ABCA6: variants seen among roughly 807,000 people sequenced by gnomAD.
The protein encoded by ABCA6 is ATP-binding cassette sub-family A member 6.
A neutral mutation model predicts 191.2 loss-of-function variants in ABCA6; 164 were observed. The ratio of observed to expected loss-of-function variants is 0.86; its 90% CI spans 0.76 to 0.98. The LOEUF is 0.98. Ranked by LOEUF, ABCA6 falls within the 50% of genes least tolerant of loss-of-function variation. The pLI is 0.00. For synonymous variants in ABCA6, 636 were observed against 647.7 expected, an observed-to-expected ratio of 0.98 and a Z score of 0.27; for missense variants, 1,958 against 1,894.1, an observed-to-expected ratio of 1.03 and a Z score of -0.63.
chr17:69,096,931 T>A (rs546669304), intron 23 of ABCA6, 130 bp from the exon 24 acceptor site: 207 of 731,820 alleles, frequency 2.8e-4, no homozygotes, highest in Admixed American at 1.9e-3. Flanking sequence ...TTAAAAAAAA[T>A]TATGCATATA....
At chr17:69,132,945 A>T (rs1185204334) in intron 6 of ABCA6, among the ~76,000 whole-genome samples, 2 of 152,204 alleles carry the variant, frequency 1.3e-5, no homozygotes, top group African/African-American at 4.8e-5. Context: ...TAATGTATGT[A>T]AATATGTATA....
At position 69,137,495 on chromosome 17, in the gene ABCA6, C is replaced by G. The variant is rs752790559; in HGVS notation, c.102G>C (p.Trp34Cys). ...ACAGTCCTAGAAGTATTGAGAGGCC[C>G]CATTCCTGTAATGCATATAAAAAGA... ...WRMKRESLLE[W>C]GLSILLGLCI... The change falls in exon 3 of 39, where the codon TGG becomes TGC. Residue 34 changes from tryptophan to cysteine, a missense_variant. By Grantham distance (215) the Trp-to-Cys change is radical. Transcript: ENST00000284425. 10 of 1,611,404 alleles carry G rather than the reference C, an allele frequency of 6.2e-6. No individual in the cohort carries two copies. Among genetic ancestry groups the G allele is most frequent in the Non-Finnish European group, 8.5e-6 (10 of 1,178,966 alleles).
At chr17:69,099,187 G>A (rs1436414034) in intron 22 of ABCA6, among the ~76,000 whole-genome samples, 2 of 152,174 alleles carry the variant, frequency 1.3e-5, no homozygotes, top group Non-Finnish European at 2.9e-5. Flanking sequence ...GCTAGGCCAA[G>A]TGGACACTCT....
chr17:69,109,528 T>A (rs1005714238), intron 17 of ABCA6: 1 of 152,186 alleles, frequency 6.6e-6, no homozygotes, highest in Admixed American at 6.6e-5. Context: ...AATAGAGTAA[T>A]CCTGCCTTAT....
intron 6 of ABCA6, among the ~76,000 whole-genome samples, chr17:69,131,120 C>G (rs1406843862): frequency 1.3e-5 from 2 of 152,114 alleles, no homozygotes; most frequent in Non-Finnish European, 2.9e-5. Context: ...TCCACGGTCA[C>G]AGAATAAATC....
At chr17:69,084,566 A>G (rs949773131) in intron 32 of ABCA6, 59 bp from the exon 33 acceptor site, 1 of 1,484,182 alleles carries the variant, frequency 6.7e-7, no homozygotes, top group African/African-American at 1.4e-5. Flanking sequence ...AAATCCAAGC[A>G]CACAGAACAG....
intron 22 of ABCA6, among the ~76,000 whole-genome samples, chr17:69,099,024 C>T (rs1035125363): frequency 6.6e-6 from 1 of 152,080 alleles, no homozygotes; most frequent in African/African-American, 2.4e-5. Flanking sequence ...GCCTGAGTAG[C>T]ACGTCTTTCT....
chr17:69,102,003 C>T (rs745559901), intron 21 of ABCA6, among the ~76,000 whole-genome samples: 4 of 152,232 alleles, frequency 2.6e-5, no homozygotes, highest in African/African-American at 4.8e-5. Context: ...TAATTAGGCC[C>T]CTTGCTTTTA....
intron 26 of ABCA6, among the ~76,000 whole-genome samples, chr17:69,090,510 G>A (rs909532531): frequency 2.0e-5 from 3 of 152,184 alleles, no homozygotes; most frequent in East Asian, 1.9e-4. Flanking sequence ...TGTCTGACTC[G>A]CTAGAACACA....
chr17:69,141,318 G>T (rs2074021897), intron 1 of ABCA6, among the ~76,000 whole-genome samples: 1 of 152,012 alleles, frequency 6.6e-6, no homozygotes, highest in Non-Finnish European at 1.5e-5. Flanking sequence ...GATACAGGAA[G>T]AATAAAGCAA....
intron 17 of ABCA6, chr17:69,108,575 G>A (rs2073353795): frequency 6.6e-6 from 1 of 152,164 alleles, no homozygotes; most frequent in Non-Finnish European, 1.5e-5. Context: ...TCCTGGAGCA[G>A]TGCCATTTAT....
At chr17:69,128,528 G>T in intron 8 of ABCA6, 91 bp downstream of exon 8, 2 of 886,238 alleles carry the variant, frequency 2.3e-6, no homozygotes. Flanking sequence ...TAGAATAAAA[G>T]CTCTTAGTTT....
intron 20 of ABCA6, chr17:69,105,000 C>T (rs12600759): frequency 0.14 from 22,254 of 160,320 alleles, 4,353 homozygotes; most frequent in African/African-American, 0.44. Flanking sequence ...AAAAACAAAA[C>T]CAATTACCCA....
rs555408110 is a variant in ABCA6, at chr17:69,140,322, G to A, written c.96+286C>T. Among the ~76,000 whole-genome samples the A allele has an allele frequency of 3.3e-5, 5 of 151,880 alleles. No homozygotes were observed. In the South Asian group the frequency reaches 1.0e-3, roughly 32 times the overall value. On this transcript the variant is annotated intron_variant, in intron 2 of 38. Coordinates refer to ENST00000284425, the MANE Select transcript of ABCA6 (RefSeq NM_080284.3). The stretch of plus-strand genomic sequence containing the variant: ...CATTTCTTCTGACAACATTTTTTTT[G>A]TACTTCTTGGCTCTAAGTGTATAAC...
intron 9 of ABCA6, among the ~76,000 whole-genome samples, 157 bp from the exon 10 acceptor site, chr17:69,123,564 G>A (rs2073691650): frequency 6.6e-6 from 1 of 152,018 alleles, no homozygotes; most frequent in African/African-American, 2.4e-5. Flanking sequence ...AAAACTTGAT[G>A]ATGAAGTAAA....
In ABCA6 at chr17:69,081,061, C is replaced by G; in HGVS notation, c.4696+5G>C. ...AAAGATTTATTTGAATGTGGTCACT[C>G]TTACCTGCTTCTAATTTGTGAAAGG... On this transcript the variant is annotated splice_donor_5th_base_variant and intron_variant, in intron 37 of 38. Coordinates refer to ENST00000284425, the MANE Select transcript of ABCA6 (RefSeq NM_080284.3). 1 of 1,573,210 alleles carries G rather than the reference C, an allele frequency of 6.4e-7. No individual in the cohort carries two copies.
intron 4 of ABCA6, chr17:69,135,851 C>G (rs1598066459): frequency 2.1e-6 from 1 of 484,580 alleles, no homozygotes; most frequent in East Asian, 3.2e-5. Context: ...GTCTTGGTTA[C>G]TCATGTGTCC....
At chr17:69,121,295 GT>G (rs1157241502) in intron 10 of ABCA6, among the ~76,000 whole-genome samples, 1 of 152,092 alleles carries the variant, frequency 6.6e-6, no homozygotes, top group Non-Finnish European at 1.5e-5. Context: ...TCAAAAGGCA[GT>G]TTTAGACTGC....
rs776865215 is a variant in ABCA6, at chr17:69,085,692, G to T, written c.3962C>A (p.Pro1321His). 1 of 1,609,932 alleles carries T rather than the reference G, an allele frequency of 6.2e-7. No individual in the cohort carries two copies. The highest frequency in any genetic ancestry group is 1.1e-5 in the South Asian group (1 of 90,568). Residue 1321 changes from proline to histidine, a missense_variant, in exon 31 of 39, where the codon CCC becomes CAC. Physicochemically the swap from Pro to His is moderately conservative, Grantham distance 77 (BLOSUM62 -2). Transcript: ENST00000284425. ...AGATGAACTTTTTCCAGCACCATTGGGTCCTAGCAATCCCAAAATTTCACC... is the reference window on the plus strand; with the variant it reads ...AGATGAACTTTTTCCAGCACCATTGTGTCCTAGCAATCCCAAAATTTCACC... ...QEGEILGLLG[P>H]NGAGKSSSIR...
Sources: allele counts gnomAD v4.1 joint callset (sites outside exome capture counted in the v4.1 genomes callset), GRCh38; gene constraint gnomAD v4.1.1; transcripts MANE v1.5; gene names NCBI Gene and HGNC (gene_info 2026-07-23, HGNC 2026-07-21).